MAP3K6: variants seen among roughly 807,000 people sequenced by gnomAD.
The protein encoded by MAP3K6 is mitogen-activated protein kinase kinase kinase 6, also known as apoptosis signal-regulating kinase 2.
Under a neutral mutation model 147.1 loss-of-function variants are expected in MAP3K6, and 105 were observed. That is an observed-to-expected ratio of 0.71 (90% CI 0.61 to 0.84). The LOEUF (loss-of-function observed/expected upper bound fraction) is 0.84. Ranked by LOEUF, MAP3K6 falls within the 40% of genes least tolerant of loss-of-function variation. The pLI, the probability that MAP3K6 is intolerant of heterozygous loss-of-function variation, is 0.00. For synonymous variants in MAP3K6, 695 were observed against 732.4 expected, an observed-to-expected ratio of 0.95 and a Z score of 0.82; for missense variants, 1,569 against 1,715.0, an observed-to-expected ratio of 0.91 and a Z score of 1.50.
At chr1:27,356,187 C>G in intron 26 of MAP3K6, 88 bp from the exon 27 acceptor site, 1 of 1,329,992 alleles carries the variant, frequency 7.5e-7, no homozygotes, top group Non-Finnish European at 1.1e-6. Flanking sequence ...CCAGCCAAGG[C>G]CCACTCAGGT....
chr1:27,361,162 G>C lies in MAP3K6; in HGVS notation c.1827C>G (p.Cys609Trp), dbSNP rs1447200252. 1 of 1,609,036 alleles carries C rather than the reference G, an allele frequency of 6.2e-7. No individual in the cohort carries two copies. The highest frequency in any genetic ancestry group is 1.3e-5 in the African/African-American group (1 of 74,908). Residue 609 changes from cysteine (C) to tryptophan (W), a missense_variant, in exon 13 of 29, where the codon TGC becomes TGG. Cys to Trp is a radical substitution (Grantham distance 215). Coordinates refer to ENST00000357582, the MANE Select transcript of MAP3K6 (RefSeq NM_004672.5). ...VQLCFPSVGH[C>W]QWFCGLIQAW... ...GACCATGAAAGGCTGCGCACCACTG[G>C]CAGTGCCCTACGCTGGGGAAGCACA...
chr1:27,362,633 G>C lies in MAP3K6; in HGVS notation c.1255+8C>G. The stretch of plus-strand genomic sequence containing the variant: ...GGTGACGAGACAAGAGCCAGGATCT[G>C]TGCTCACCTATTAGCCGGAGCTCTT... On this transcript the variant is annotated splice_region_variant and intron_variant, in intron 8 of 28. Transcript: ENST00000357582. 6.4e-7 allele frequency: 1 copy of C among 1,563,870 alleles called. No homozygotes were observed. The highest frequency in any genetic ancestry group is 8.7e-7 in the Non-Finnish European group (1 of 1,150,672).
In MAP3K6 at chr1:27,362,113, A is replaced by G. The variant is rs759542995; in HGVS notation, c.1393T>C (p.Tyr465His). 3.1e-6 allele frequency: 5 copies of G among 1,612,940 alleles called. No individual in the cohort carries two copies. The highest frequency in any genetic ancestry group is 4.2e-6 in the Non-Finnish European group (5 of 1,179,612). Residue 465 changes from tyrosine (Y) to histidine (H), a missense_variant, in exon 9 of 29, where the codon TAT becomes CAT. By Grantham distance (83) the Tyr-to-His change is moderately conservative (BLOSUM62 2). Coordinates refer to ENST00000357582, the MANE Select transcript of MAP3K6 (RefSeq NM_004672.5). The part of the protein sequence containing the change: ...TQVVLAAEQL[Y>H]KLNAPIWYLV... ...TACCATATGGGGGCATTGAGCTTAT[A>G]CAGCTGCTCTGCAGCCAGCACCACC... is the stretch of plus-strand genomic sequence containing the variant.
At chr1:27,363,884 A>T in intron 5 of MAP3K6, 33 bp downstream of exon 5, 2 of 1,520,760 alleles carry the variant, frequency 1.3e-6, no homozygotes, top group Non-Finnish European at 1.8e-6. Context: ...CTCAAATGCC[A>T]GCTGCCCTAC....
At position 27,358,439 on chromosome 1, in the gene MAP3K6, C is replaced by T. The variant is rs750826276; in HGVS notation, c.2756G>A (p.Arg919Gln). 7 of 1,594,172 alleles carry T rather than the reference C, an allele frequency of 4.4e-6. No homozygotes were observed. The highest frequency in any genetic ancestry group is 2.2e-5 in the East Asian group (1 of 44,798). The change falls in exon 20 of 29, where the codon CGA becomes CAA. Residue 919 changes from arginine (R) to glutamine (Q), a missense_variant. Coordinates refer to ENST00000357582, the MANE Select transcript of MAP3K6 (RefSeq NM_004672.5). This position sits in a 1 kb window ranked among gnomAD's most constrained non-coding sequence, Gnocchi z 6.2. Reference protein sequence around the residue: ...GKRSRSPSSPRHAPRPSDAPS... With the variant: ...GKRSRSPSSPQHAPRPSDAPS... ...AGCACCTGAGGGCCGTGGAGCATGT[C>T]GTGGGGAGCTGGGGCTGCGGCTCCT...
rs1176554329 is a variant in MAP3K6 at position 27,360,871 on chromosome 1, A to AG, written c.1921-34dup. ...GCGCGGGGTGAGATGGGAGTTCAGCAGGGCCCGCGGCCCCTCGCCCTCCGC... is the reference window on the plus strand; with the variant it reads ...GCGCGGGGTGAGATGGGAGTTCAGCAGGGGCCCGCGGCCCCTCGCCCTCCGC... On this transcript the variant is annotated intron_variant, in intron 14 of 28. Coordinates refer to ENST00000357582, the MANE Select transcript of MAP3K6 (RefSeq NM_004672.5). The surrounding 1 kb of genome is among the most constrained non-coding windows in gnomAD (Gnocchi z 4.5). 2 of 1,611,148 alleles carry AG rather than the reference A, an allele frequency of 1.2e-6. No homozygotes were observed. Among genetic ancestry groups the AG allele is most frequent in the Non-Finnish European group, 1.7e-6 (2 of 1,179,052 alleles).
chr1:27,356,408 A>C lies in MAP3K6; in HGVS notation c.3617T>G (p.Val1206Gly). The C allele has an allele frequency of 6.2e-7, 1 of 1,611,892 alleles. No homozygotes were observed. Among genetic ancestry groups the C allele is most frequent in the Non-Finnish European group, 8.5e-7 (1 of 1,179,136 alleles). ...CTCACTTGGAGGCTCTGGGGCCAGG[A>C]CATAGGTCCGGGCTTCCTCATTCAG... is the stretch of plus-strand genomic sequence containing the variant. ...QRLNEEARTYVLAPEPPTALS... is the reference protein window; with the variant it reads ...QRLNEEARTYGLAPEPPTALS... The change falls in exon 26 of 29, where the codon GTC becomes GGC. Residue 1206 changes from valine (V) to glycine (G), a missense_variant. By Grantham distance (109) the Val-to-Gly change is moderately radical. Coordinates refer to ENST00000357582, the MANE Select transcript of MAP3K6 (RefSeq NM_004672.5).
At position 27,362,000 on chromosome 1, in the gene MAP3K6, T is replaced by C; in HGVS notation, c.1415+91A>G. ...CACTGGTCTAAAAGCAGCCAGGTCA[T>C]TGGCTCAGGGTTCAGTCTAGCATGC... On this transcript the variant is annotated intron_variant, in intron 9 of 28. Transcript: ENST00000357582. The C allele has an allele frequency of 5.9e-6, 9 of 1,527,928 alleles. 1 individual carries two copies. In the South Asian group the frequency reaches 1.2e-4, roughly 20 times the overall value. 94.6% of individuals were successfully genotyped at this position (1,527,928 alleles called of 1,614,324 possible). A position where few individuals can be genotyped will look rare whatever the true frequency, so the allele number is the denominator to read the frequency against.
In MAP3K6 at chr1:27,363,863, G is replaced by T. The variant is rs538869860; in HGVS notation, c.864+54C>A. 1.6e-4 allele frequency: 233 copies of T among 1,476,670 alleles called. 1 individual carries two copies. Among genetic ancestry groups the T allele is most frequent in the Middle Eastern group, 1.2e-3 (6 of 5,212 alleles). The allele number at this position is 1,476,670 out of a possible 1,614,324, so 91.5% of individuals were successfully genotyped here. On this transcript the variant is annotated intron_variant, in intron 5 of 28. Transcript: ENST00000357582. ...TGGCCCAGCCAGGAACTGAACTTGG[G>T]TTTGTCTGACCTCAAATGCCAGCTG...
Position 27,358,915 on chromosome 1 carries a change from G to A in MAP3K6, c.2426-49C>T, listed in dbSNP as rs1188146056. The A allele has an allele frequency of 2.0e-6, 3 of 1,523,678 alleles. No individual in the cohort carries two copies. Among genetic ancestry groups the A allele is most frequent in the South Asian group, 2.6e-5 (2 of 76,878 alleles). The allele number at this position is 1,523,678 out of a possible 1,614,324, so 94.4% of individuals were successfully genotyped here. A position where few individuals can be genotyped will look rare whatever the true frequency, so the allele number is the denominator to read the frequency against. On this transcript the variant is annotated intron_variant, in intron 18 of 28. Coordinates refer to ENST00000357582, the MANE Select transcript of MAP3K6 (RefSeq NM_004672.5). The surrounding 1 kb of genome is among the most constrained non-coding windows in gnomAD (Gnocchi z 6.2). ...ATGCCCATCTAGGCTTCATCATGGG[G>A]TTGGAGCAGGGAGGGGAATGCCGTC...
In MAP3K6 at chr1:27,366,195, G is replaced by T. The variant is rs1385540590; in HGVS notation, c.340+63C>A. The T allele has an allele frequency of 4.0e-6, 5 of 1,258,874 alleles. No individual in the cohort carries two copies. Among genetic ancestry groups the T allele is most frequent in the Non-Finnish European group, 5.0e-6 (5 of 1,000,592 alleles). 78.0% of individuals were successfully genotyped at this position (1,258,874 alleles called of 1,614,324 possible). A position where few individuals can be genotyped will look rare whatever the true frequency, so the allele number is the denominator to read the frequency against. ...CCCCTCCCTTGAGCCTTCGAGCCCGGCTTGGTCCCCTCCCAGGACCCTGAG... is the reference window on the plus strand; with the variant it reads ...CCCCTCCCTTGAGCCTTCGAGCCCGTCTTGGTCCCCTCCCAGGACCCTGAG... On this transcript the variant is annotated intron_variant, in intron 1 of 28. Transcript: ENST00000357582. This position sits in a 1 kb window ranked among gnomAD's most constrained non-coding sequence, Gnocchi z 5.5.
Position 27,361,592 on chromosome 1 carries a change from A to G in MAP3K6, c.1614T>C (p.Pro538=). The change falls in exon 11 of 29, where the codon CCT becomes CCC. Residue 538 remains proline (P), a synonymous_variant. Coordinates refer to ENST00000357582, the MANE Select transcript of MAP3K6 (RefSeq NM_004672.5). ...CAGTACCCCGAACCTCGAGCTTTGCAGGCAGCAGCACCTTGTTCATCTCCA... is the reference window on the plus strand; with the variant it reads ...CAGTACCCCGAACCTCGAGCTTTGCGGGCAGCAGCACCTTGTTCATCTCCA... ...LVLEMNKVLL[P]AKLEVRGTDP... 2 of 1,614,174 alleles carry G rather than the reference A, an allele frequency of 1.2e-6. No homozygotes were observed. The highest frequency in any genetic ancestry group is 8.5e-7 in the Non-Finnish European group (1 of 1,180,034).
intron 8 of MAP3K6, 106 bp downstream of exon 8, chr1:27,362,531 AATGG>A: frequency 1.1e-6 from 1 of 915,742 alleles, no homozygotes; most frequent in Non-Finnish European, 1.6e-6. Flanking sequence ...GACAGTCCAA[AATGG>A]ATGAGCTCAT....
chr1:27,362,212 CGCAGCCTTT>C lies in MAP3K6; in HGVS notation c.1285_1293del (p.Lys429_Cys431del), dbSNP rs1557564228. 4 of 1,613,234 alleles carry C rather than the reference CGCAGCCTTT, an allele frequency of 2.5e-6. No individual in the cohort carries two copies. Among genetic ancestry groups the C allele is most frequent in the Non-Finnish European group, 2.5e-6 (3 of 1,179,842 alleles). ...TCCCAGTAATACTGCATCTTCTCCA[CGCAGCCTTT>C]GCGGGCCAGCAGGCAGCCCAGCTTC... On this transcript the variant is annotated inframe_deletion, in exon 9 of 29. Coordinates refer to ENST00000357582, the MANE Select transcript of MAP3K6 (RefSeq NM_004672.5).
Position 27,360,627 on chromosome 1 carries a change from A to C in MAP3K6, c.2054+78T>G, listed in dbSNP as rs992239572. The stretch of plus-strand genomic sequence containing the variant: ...AGCCCGCCCACTAGGCCCCGCCCAC[A>C]GGAGCCGCTCCGCTCGTGGCCCGGC... On this transcript the variant is annotated intron_variant, in intron 15 of 28. Transcript: ENST00000357582. The surrounding 1 kb of genome is among the most constrained non-coding windows in gnomAD (Gnocchi z 4.5). The C allele has an allele frequency of 6.6e-7, 1 of 1,519,490 alleles. No homozygotes were observed. The highest frequency in any genetic ancestry group is 8.8e-7 in the Non-Finnish European group (1 of 1,136,626). The allele number at this position is 1,519,490 out of a possible 1,614,324, so 94.1% of individuals were successfully genotyped here.
chr1:27,357,723 C>T lies in MAP3K6; in HGVS notation c.3069G>A (p.Gln1023=). The change falls in exon 22 of 29, where the codon CAG becomes CAA. Residue 1023 remains glutamine, a synonymous_variant. Transcript: ENST00000357582. ...PALAENLHQE[Q]KQEQGARLGR... Reference sequence around the variant, plus strand: ...GTGGGCCGCCCACCTGCTCTTGCTTCTGCTCCTGGTGCAGATTCTCCGCCA... The same window carrying T: ...GTGGGCCGCCCACCTGCTCTTGCTTTTGCTCCTGGTGCAGATTCTCCGCCA... 3 of 1,611,438 alleles carry T rather than the reference C, an allele frequency of 1.9e-6. No individual in the cohort carries two copies. Among genetic ancestry groups the T allele is most frequent in the Non-Finnish European group, 2.5e-6 (3 of 1,179,858 alleles).
In MAP3K6 at chr1:27,366,521, C is replaced by T; in HGVS notation, c.77G>A (p.Ser26Asn). ...GGGCGCCGCGAGCTGCCGGCCCCGG[C>T]TCAGCGCCACGGCCAGCGGGTCCTG... ...CWQDPLAVAL[S>N]RGRQLAAPPG... The change falls in exon 1 of 29, where the codon AGC becomes AAC. Residue 26 changes from serine (S) to asparagine (N), a missense_variant. Physicochemically the swap from Ser to Asn is conservative, Grantham distance 46. Transcript: ENST00000357582. The surrounding 1 kb of genome is among the most constrained non-coding windows in gnomAD (Gnocchi z 5.5). 1.9e-5 allele frequency: 21 copies of T among 1,104,408 alleles called. No individual in the cohort carries two copies. The highest frequency in any genetic ancestry group is 2.2e-5 in the Non-Finnish European group (20 of 907,818). The allele number at this position is 1,104,408 out of a possible 1,614,324, so 68.4% of individuals were successfully genotyped here.
At position 27,357,725 on chromosome 1, in the gene MAP3K6, G is replaced by C; in HGVS notation, c.3067C>G (p.Gln1023Glu). Reference protein sequence around the residue: ...PALAENLHQEQKQEQGARLGR... With the variant: ...PALAENLHQEEKQEQGARLGR... ...GGGCCGCCCACCTGCTCTTGCTTCT[G>C]CTCCTGGTGCAGATTCTCCGCCAGC... Residue 1023 changes from glutamine to glutamate, a missense_variant, in exon 22 of 29, where the codon CAG becomes GAG. Physicochemically the swap from Gln to Glu is conservative, Grantham distance 29. Transcript: ENST00000357582. 1 of 1,611,388 alleles carries C rather than the reference G, an allele frequency of 6.2e-7. No homozygotes were observed. Among genetic ancestry groups the C allele is most frequent in the Admixed American group, 1.7e-5 (1 of 59,992 alleles).
At position 27,356,633 on chromosome 1, in the gene MAP3K6, G is replaced by A. The variant is rs775770475; in HGVS notation, c.3481C>T (p.Pro1161Ser). The stretch of plus-strand genomic sequence containing the variant: ...AAGAGGCTCAGCTGCACCATCAGAG[G>A]AGCGGGGCCCTGCTCGGGCTCCACC... ...LPVEPEQGPAPLMVQLSLLRA... is the reference protein window; with the variant it reads ...LPVEPEQGPASLMVQLSLLRA... Residue 1161 changes from proline (P) to serine (S), a missense_variant, in exon 25 of 29, where the codon CCT (proline) becomes TCT (serine). By Grantham distance (74) the Pro-to-Ser change is moderately conservative (BLOSUM62 -1). Coordinates refer to ENST00000357582, the MANE Select transcript of MAP3K6 (RefSeq NM_004672.5). The A allele has an allele frequency of 2.5e-6, 4 of 1,612,736 alleles. No individual in the cohort carries two copies. The highest frequency in any genetic ancestry group is 1.7e-5 in the Admixed American group (1 of 59,768).
Sources: allele counts gnomAD v4.1 joint callset, GRCh38; gene constraint gnomAD v4.1.1; non-coding constraint Gnocchi (gnomAD v3.1); transcripts MANE v1.5; gene names NCBI Gene and HGNC (gene_info 2026-07-23, HGNC 2026-07-21).